The following AGO3 variants were observed in gnomAD, a reference collection of about 807,000 sequenced individuals.
AGO3 encodes argonaute RISC catalytic component 3, also known as protein argonaute-3.
AGO3 carries 16 observed loss-of-function variants against 105.5 expected under a neutral mutation model. The ratio of observed to expected loss-of-function variants is 0.15; its 90% CI spans 0.10 to 0.23. AGO3 has a LOEUF of 0.23. AGO3 is among the 10% of genes least tolerant of loss of function. The pLI is 1.00. For synonymous variants in AGO3, 340 were observed against 367.3 expected, an observed-to-expected ratio of 0.93 and a Z score of 0.85; for missense variants, 534 against 1,088.0, an observed-to-expected ratio of 0.49 and a Z score of 7.16.
At chr1:35,943,640 A>G (rs547371008) in intron 1 of AGO3, among the ~76,000 whole-genome samples, 53 of 117,896 alleles carry the variant, frequency 4.5e-4, no homozygotes, top group Non-Finnish European at 5.1e-4. Context: ...GTCTCGCGCT[A>G]TCACCCAGGC....
At chr1:35,973,340 G>A (rs910634817) in intron 4 of AGO3, 35 bp from the exon 5 acceptor site, 2 of 1,433,052 alleles carry the variant, frequency 1.4e-6, no homozygotes, top group African/African-American at 1.4e-5. Context: ...TGCATGAGAA[G>A]GAAAGGATTG....
intron 5 of AGO3, among the ~76,000 whole-genome samples, chr1:36,003,709 A>AAAAAAAAATATATATATATAT (rs1295618675): frequency 2.0e-5 from 2 of 99,436 alleles, no homozygotes; most frequent in South Asian, 3.8e-4. Context: ...AAAAAAAAAA[A>AAAAAAAAATATATATATATAT]ATATATATAT....
intron 11 of AGO3, among the ~76,000 whole-genome samples, chr1:36,017,773 C>T (rs973982817): frequency 1.3e-5 from 2 of 151,868 alleles, no homozygotes; most frequent in Admixed American, 1.3e-4. Flanking sequence ...CACAGTGGTG[C>T]ACGCCTGTGG....
At chr1:35,931,091 GGGCGGCCCCGGGCAGGTCGGCGGC>G (rs914957369) in exon 1 of AGO3, 19 of 392,536 alleles carry the variant, frequency 4.8e-5, no homozygotes, top group African/African-American at 1.9e-4. Context: ...CGAGCTTCCG[GGGCGGCCCCGGGCAGGTCGGCGGC>G]GGCGGCCCGC....
rs1642880261 is a variant in AGO3, at chr1:36,055,322, A to G, written c.2474+177A>G. The G allele has an allele frequency of 3.0e-6, 2 of 663,644 alleles. No individual in the cohort carries two copies. Among genetic ancestry groups the G allele is most frequent in the South Asian group, 1.9e-5 (1 of 51,556 alleles). 41.1% of individuals were successfully genotyped at this position (663,644 alleles called of 1,614,324 possible). A position where few individuals can be genotyped will look rare whatever the true frequency, so the allele number is the denominator to read the frequency against. ...GTCTAGGCTCATTAGTAATAGAATC[A>G]TGTAGTAACTTAGTTGTTTTACTAC... On this transcript the variant is annotated intron_variant, in intron 18 of 18. Transcript: ENST00000373191. The surrounding 1 kb of genome is among the most constrained non-coding windows in gnomAD (Gnocchi z 4.4).
chr1:35,980,355 A>G (rs769158191), intron 5 of AGO3, among the ~76,000 whole-genome samples: 3 of 151,912 alleles, frequency 2.0e-5, no homozygotes, highest in African/African-American at 4.8e-5. Flanking sequence ...CATATATTCT[A>G]CTCTTAACAT....
intron 2 of AGO3, among the ~76,000 whole-genome samples, chr1:35,959,089 TCA>T (rs1329050344): frequency 6.6e-6 from 1 of 152,202 alleles, no homozygotes; most frequent in African/African-American, 2.4e-5. Flanking sequence ...TAATTACAAC[TCA>T]CAGGAAAATA....
At position 36,068,344 on chromosome 1, in the gene AGO3, G is replaced by T. The variant is rs1231639123; in HGVS notation, c.*12599G>T. ...TGAACAGAGTATATATCAGGAATAT[G>T]ATGTATTATGGCACAGTGATAATAT... On this transcript the variant is annotated 3_prime_UTR_variant, in exon 19 of 19. Transcript: ENST00000373191. 1.3e-5 allele frequency: 2 copies of T among 152,148 alleles called. No individual in the cohort carries two copies. The highest frequency in any genetic ancestry group is 2.9e-5 in the Non-Finnish European group (2 of 68,032). 9.4% of individuals were successfully genotyped at this position (152,148 alleles called of 1,614,324 possible).
chr1:35,970,012 G>T (rs1646837436), intron 3 of AGO3, among the ~76,000 whole-genome samples: 1 of 152,176 alleles, frequency 6.6e-6, no homozygotes, highest in Admixed American at 6.5e-5. Flanking sequence ...TCATTATGTG[G>T]TGCATGACTC....
intron 2 of AGO3, among the ~76,000 whole-genome samples, chr1:35,958,528 G>A (rs1458870844): frequency 6.6e-6 from 1 of 151,980 alleles, no homozygotes; most frequent in East Asian, 1.9e-4. Context: ...GGGCATGGTG[G>A]CACACTCCTG....
chr1:36,031,481 A>AT (rs35021187), intron 12 of AGO3, among the ~76,000 whole-genome samples: 96,602 of 149,256 alleles, frequency 0.65, 34,408 homozygotes, highest in Non-Finnish European at 0.83. Context: ...TTTCTCCTTC[A>AT]TTTTTTTTTT....
rs115590706 is a variant in AGO3, at chr1:36,021,551, C to T, written c.1407-5563C>T. Among the ~76,000 whole-genome samples, 375 of 152,138 alleles carry T rather than the reference C, an allele frequency of 2.5e-3. 3 individuals carry two copies. The highest frequency in any genetic ancestry group is 8.7e-3 in the African/African-American group (362 of 41,516). On this transcript the variant is annotated intron_variant, in intron 11 of 18. Coordinates refer to ENST00000373191, the MANE Select transcript of AGO3 (RefSeq NM_024852.4). ...TGACACTGTTTCTCATGTAATTTTA[C>T]GTATAAAATAAGCCTGTTTATTATC...
intron 1 of AGO3, among the ~76,000 whole-genome samples, chr1:35,945,268 C>T (rs1015101867): frequency 6.6e-6 from 1 of 151,002 alleles, no homozygotes; most frequent in Non-Finnish European, 1.5e-5. Flanking sequence ...TCTGGAGCGT[C>T]GTGTTACTAT....
chr1:36,028,890 G>A (rs926501436), intron 12 of AGO3, among the ~76,000 whole-genome samples: 57 of 151,922 alleles, frequency 3.8e-4, no homozygotes, highest in Admixed American at 1.8e-3. Flanking sequence ...TATGTTTCTC[G>A]GGTTGGTCTC....
chr1:35,996,822 C>T (rs1033010356), intron 5 of AGO3, among the ~76,000 whole-genome samples: 2 of 151,066 alleles, frequency 1.3e-5, no homozygotes, highest in African/African-American at 4.9e-5. Flanking sequence ...TGAGAAGATG[C>T]AGAACATCGT....
At chr1:35,976,842 A>G (rs1016409832) in intron 5 of AGO3, among the ~76,000 whole-genome samples, 8 of 152,104 alleles carry the variant, frequency 5.3e-5, no homozygotes, top group African/African-American at 9.7e-5. Context: ...CCTTTTTTGT[A>G]CAATCTTTGT....
chr1:36,041,907 C>T (rs903201396), intron 16 of AGO3, among the ~76,000 whole-genome samples: 1 of 152,016 alleles, frequency 6.6e-6, no homozygotes, highest in Non-Finnish European at 1.5e-5. Context: ...GATTGGCTAG[C>T]TCTCATTAGT....
In AGO3 at chr1:36,055,464, A is replaced by G. The variant is rs2148865657; in HGVS notation, c.2475-173A>G. Among the ~76,000 whole-genome samples the G allele has an allele frequency of 6.6e-6, 1 of 152,360 alleles. No homozygotes were observed. The highest frequency in any genetic ancestry group is 2.4e-5 in the African/African-American group (1 of 41,598). On this transcript the variant is annotated intron_variant, in intron 18 of 18. Transcript: ENST00000373191. The surrounding 1 kb of genome is among the most constrained non-coding windows in gnomAD (Gnocchi z 4.4). Reference sequence around the variant, plus strand: ...TCTGGGGAGGTGAGAGAAGTAAAACAAAATTGGCCTTGAGTTAATAGTGAT... The same window carrying G: ...TCTGGGGAGGTGAGAGAAGTAAAACGAAATTGGCCTTGAGTTAATAGTGAT...
At chr1:35,994,024 G>T (rs1458336989) in intron 5 of AGO3, among the ~76,000 whole-genome samples, 1 of 144,006 alleles carries the variant, frequency 6.9e-6, no homozygotes, top group Non-Finnish European at 1.5e-5. Context: ...GATTACATGC[G>T]TGAGCCACTG....
Sources: gnomAD v4.1 joint callset for allele counts (sites outside exome capture counted in the v4.1 genomes callset) on GRCh38, gnomAD v4.1.1 for gene constraint, Gnocchi (gnomAD v3.1) non-coding constraint, MANE v1.5 for transcripts, NCBI Gene and HGNC (gene_info 2026-07-23, HGNC 2026-07-21) for gene names.